The following PFKFB3 variants were observed in gnomAD, a reference collection of about 807,000 sequenced individuals.
PFKFB3 encodes 6-phosphofructo-2-kinase/fructose-2,6-biphosphatase 3.
Under a neutral mutation model 68.0 loss-of-function variants are expected in PFKFB3, and 33 were observed. That is an observed-to-expected ratio of 0.49 (90% CI 0.37 to 0.65). PFKFB3 has a LOEUF of 0.65. Ranked by LOEUF, PFKFB3 falls within the 30% of genes least tolerant of loss-of-function variation. The pLI is 0.00. For missense variants in PFKFB3, 586 were observed against 712.2 expected, an observed-to-expected ratio of 0.82 and a Z score of 2.02; for synonymous variants, 315 against 288.2, an observed-to-expected ratio of 1.09 and a Z score of -0.94.
the PFKFB3 span, among the ~76,000 whole-genome samples, chr10:6,312,928 G>GACC: frequency 3.9e-5 from 6 of 151,924 alleles, no homozygotes; most frequent in Non-Finnish European, 5.9e-5. Flanking sequence ...GACTGGAAAA[G>GACC]AAACAGAACT....
intron 1 of PFKFB3, among the ~76,000 whole-genome samples, chr10:6,212,797 G>C (rs1209190773): frequency 6.6e-6 from 1 of 152,168 alleles, no homozygotes; most frequent in Non-Finnish European, 1.5e-5. Flanking sequence ...ACCGCGCCTG[G>C]CTGTAAACTC....
At chr10:6,286,922 C>T in the PFKFB3 span, among the ~76,000 whole-genome samples, 1 of 152,086 alleles carries the variant, frequency 6.6e-6, no homozygotes, top group Non-Finnish European at 1.5e-5. Flanking sequence ...TAATTGGTTG[C>T]CCTAGAATTT....
chr10:6,252,033 G>A (rs1430474171), intron 14 of PFKFB3, among the ~76,000 whole-genome samples: 2 of 152,208 alleles, frequency 1.3e-5, no homozygotes, highest in South Asian at 4.2e-4. Flanking sequence ...CAATTTGTAG[G>A]GATAGATTCA....
chr10:6,207,121 A>G (rs1222080047), intron 1 of PFKFB3, among the ~76,000 whole-genome samples: 2 of 152,206 alleles, frequency 1.3e-5, no homozygotes, highest in Non-Finnish European at 2.9e-5. Flanking sequence ...AGCCGAGATC[A>G]CGCCACTGCA....
At chr10:6,181,926 C>G (rs555617483) in intron 1 of PFKFB3, among the ~76,000 whole-genome samples, 1 of 151,462 alleles carries the variant, frequency 6.6e-6, no homozygotes, top group African/African-American at 2.4e-5. Context: ...GAATGGGGAG[C>G]TGGTGTTTAA....
intron 1 of PFKFB3, among the ~76,000 whole-genome samples, chr10:6,174,401 T>C (rs1842401296): frequency 6.6e-6 from 1 of 152,172 alleles, no homozygotes; most frequent in South Asian, 2.1e-4. Flanking sequence ...TGCCTCGCGG[T>C]GCCCCCACAC....
the PFKFB3 span, among the ~76,000 whole-genome samples, chr10:6,267,437 A>G: frequency 1.3e-5 from 2 of 152,206 alleles, no homozygotes; most frequent in Non-Finnish European, 2.9e-5. Flanking sequence ...GTAGGAGGTC[A>G]GGATGAGGCT....
At chr10:6,148,144 T>C (rs1205803984) in intron 1 of PFKFB3, among the ~76,000 whole-genome samples, 2 of 152,210 alleles carry the variant, frequency 1.3e-5, no homozygotes, top group Admixed American at 6.5e-5. Flanking sequence ...CCACCTCCTG[T>C]GCTCTCCAGC....
At chr10:6,226,592 G>T (rs1588531980) in intron 14 of PFKFB3, 15 of 552,566 alleles carry the variant, frequency 2.7e-5, no homozygotes, top group Middle Eastern at 4.7e-4. Flanking sequence ...GATCCTGGGG[G>T]CTTTCCTTGC....
At chr10:6,246,486 C>T (rs986196656) in intron 14 of PFKFB3, among the ~76,000 whole-genome samples, 1 of 151,520 alleles carries the variant, frequency 6.6e-6, no homozygotes, top group African/African-American at 2.4e-5. Flanking sequence ...ACTGCAGGCG[C>T]CTGCCACCAC....
At chr10:6,203,393 T>G in intron 1 of PFKFB3, 57 bp downstream of exon 1, 1 of 1,405,034 alleles carries the variant, frequency 7.1e-7, no homozygotes, top group Non-Finnish European at 9.7e-7. Context: ...GCCGGGCCAT[T>G]GTGTGGGGCG....
At chr10:6,271,278 G>A in the PFKFB3 span, among the ~76,000 whole-genome samples, 3 of 152,238 alleles carry the variant, frequency 2.0e-5, no homozygotes, top group Non-Finnish European at 2.9e-5. Flanking sequence ...GTAAGGACGA[G>A]AACCGAAGAG....
At chr10:6,148,659 A>G (rs987614552) in intron 1 of PFKFB3, among the ~76,000 whole-genome samples, 1 of 152,216 alleles carries the variant, frequency 6.6e-6, no homozygotes, top group Non-Finnish European at 1.5e-5. Flanking sequence ...ATGAGACGAA[A>G]AGGAGGCAGG....
chr10:6,201,433 G>A (rs188612129), upstream of PFKFB3, among the ~76,000 whole-genome samples: 1,497 of 145,780 alleles, frequency 0.01, 15 homozygotes, highest in Non-Finnish European at 0.015. The surrounding 1 kb of genome is among the most constrained non-coding windows in gnomAD (Gnocchi z 4.1). Flanking sequence ...CGGGGTGCCG[G>A]AGTGGGGGTC....
At chr10:6,318,907 T>C in the PFKFB3 span, among the ~76,000 whole-genome samples, 1,037 of 152,296 alleles carry the variant, frequency 6.8e-3, 5 homozygotes, top group Admixed American at 0.011. Flanking sequence ...GCTGCTTCCA[T>C]GGGTTCCACG....
the PFKFB3 span, among the ~76,000 whole-genome samples, chr10:6,266,313 G>A: frequency 1.9e-3 from 283 of 152,232 alleles, 1 homozygote; most frequent in African/African-American, 5.9e-3. Context: ...TTGGGTCATA[G>A]GAGCATCTTC....
intron 1 of PFKFB3, among the ~76,000 whole-genome samples, chr10:6,209,767 T>TTTC (rs939468756): frequency 2.8e-5 from 4 of 143,466 alleles, no homozygotes; most frequent in South Asian, 2.4e-4. Flanking sequence ...TACCTTTTCT[T>TTTC]TTTTTTTTTT....
chr10:6,250,372 T>C (rs1446964400), intron 14 of PFKFB3, among the ~76,000 whole-genome samples: 2 of 152,014 alleles, frequency 1.3e-5, no homozygotes, highest in Non-Finnish European at 2.9e-5. Context: ...GAGACCATCC[T>C]GGCTAACACG....
rs574908611 is a variant in PFKFB3 at position 6,220,806 on chromosome 10, G to A, written c.772G>A (p.Glu258Lys). 3.1e-6 allele frequency: 5 copies of A among 1,613,840 alleles called. No homozygotes were observed. Among genetic ancestry groups the A allele is most frequent in the African/African-American group, 2.7e-5 (2 of 75,060 alleles). Residue 258 changes from glutamate to lysine, a missense_variant, in exon 8 of 15, where the codon GAG becomes AAG. Coordinates refer to ENST00000379775, the MANE Select transcript of PFKFB3 (RefSeq NM_004566.4). The surrounding 1 kb of genome is among the most constrained non-coding windows in gnomAD (Gnocchi z 4.1). Reference sequence around the variant, plus strand: ...CTACCTGTGCCGGCACGGCGAGAACGAGCACAACCTCCAGGGCCGCATCGG... The same window carrying A: ...CTACCTGTGCCGGCACGGCGAGAACAAGCACAACCTCCAGGGCCGCATCGG... ...TIYLCRHGENEHNLQGRIGGD... is the reference protein window; with the variant it reads ...TIYLCRHGENKHNLQGRIGGD...
Sources: allele counts gnomAD v4.1 joint callset (sites outside exome capture counted in the v4.1 genomes callset), GRCh38; gene constraint gnomAD v4.1.1; non-coding constraint Gnocchi (gnomAD v3.1); transcripts MANE v1.5; gene names NCBI Gene and HGNC (gene_info 2026-07-23, HGNC 2026-07-21).